The following RBFOX1 variants were observed in gnomAD, a reference collection of about 807,000 sequenced individuals.
The protein encoded by RBFOX1 is RNA binding fox-1 homolog 1.
In RBFOX1, 8 loss-of-function variants were observed where a neutral mutation model predicts 57.7. The observed-to-expected ratio is 0.14, with a 90% confidence interval of 0.08 to 0.25. RBFOX1 has a LOEUF of 0.25. RBFOX1 is among the 10% of genes least tolerant of loss of function. The pLI is 1.00. For synonymous variants in RBFOX1, 326 were observed against 222.4 expected (o/e 1.47, Z -4.15); for missense variants, 611 against 548.5 (o/e 1.11, Z -1.14).
chr16:6,486,946 C>G (rs892704771), intron 2 of RBFOX1, among the ~76,000 whole-genome samples: 1 of 152,086 alleles, frequency 6.6e-6, no homozygotes, highest in Non-Finnish European at 1.5e-5. Flanking sequence ...GCTGAACCCC[C>G]TCTTCTTGCA....
chr16:7,136,254 A>G (rs1211162296), intron 4 of RBFOX1, among the ~76,000 whole-genome samples: 1 of 152,136 alleles, frequency 6.6e-6, no homozygotes, highest in African/African-American at 2.4e-5. Flanking sequence ...GGATATTGAA[A>G]TGTAAATTAA....
intron 4 of RBFOX1, among the ~76,000 whole-genome samples, chr16:7,404,028 C>CCTTTTATTTTATTTTATTTTA (rs2098291022): frequency 7.7e-6 from 1 of 129,964 alleles, no homozygotes; most frequent in Non-Finnish European, 1.6e-5. Flanking sequence ...ATTTCATTTC[C>CCTTTTATTTTATTTTATTTTA]TTTTATTTTA....
chr16:6,407,430 A>G (rs952677269), intron 2 of RBFOX1, among the ~76,000 whole-genome samples: 1 of 151,948 alleles, frequency 6.6e-6, no homozygotes, highest in Non-Finnish European at 1.5e-5. Context: ...CTTATATACT[A>G]TCTCTATATT....
chr16:6,019,587 G>A lies in RBFOX1; in HGVS notation c.-532G>A. On this transcript the variant is annotated 5_prime_UTR_variant, in exon 1 of 16. Transcript: ENST00000550418. The surrounding 1 kb of genome is among the most constrained non-coding windows in gnomAD (Gnocchi z 4.2). ...GGCTGGACCCACGCGCGCGCCTCCG[G>A]GGCTGAAGAAGGAAGGAGTGAGCCG... is the stretch of plus-strand genomic sequence containing the variant. 8.4e-7 allele frequency: 1 copy of A among 1,193,688 alleles called. No individual in the cohort carries two copies. The highest frequency in any genetic ancestry group is 3.5e-5 in the East Asian group (1 of 28,244). The allele number at this position is 1,193,688 out of a possible 1,614,324, so 73.9% of individuals were successfully genotyped here. A position where few individuals can be genotyped will look rare whatever the true frequency, so the allele number is the denominator to read the frequency against.
At chr16:7,082,908 C>G (rs2059419627) in intron 4 of RBFOX1, among the ~76,000 whole-genome samples, 1 of 152,150 alleles carries the variant, frequency 6.6e-6, no homozygotes, top group African/African-American at 2.4e-5. Context: ...TCTCTTGAAG[C>G]TTGACAACAA....
rs190207748 is a variant in RBFOX1, at chr16:6,021,122, A to T, written c.-127+1130A>T. Reference sequence around the variant, plus strand: ...ATCTTTTCAGTTGAACTTGAAAAGAAGTGGGGGAGTGTGGTGAAATAGCTT... The same window carrying T: ...ATCTTTTCAGTTGAACTTGAAAAGATGTGGGGGAGTGTGGTGAAATAGCTT... On this transcript the variant is annotated intron_variant, in intron 1 of 15. Coordinates refer to ENST00000550418, the MANE Select transcript of RBFOX1 (RefSeq NM_018723.4). Among the ~76,000 whole-genome samples the T allele has an allele frequency of 2.7e-3, 405 of 152,352 alleles. 3 individuals are homozygous for T. Among genetic ancestry groups the T allele is most frequent in the African/African-American group, 9.3e-3 (388 of 41,590 alleles).
chr16:5,792,665 A>T (rs1395253128), intron 3 of RBFOX1, among the ~76,000 whole-genome samples: 1 of 152,164 alleles, frequency 6.6e-6, no homozygotes, highest in Non-Finnish European at 1.5e-5. Flanking sequence ...CAACGTGCTG[A>T]AACCCCGTCT....
intron 2 of RBFOX1, among the ~76,000 whole-genome samples, chr16:6,465,137 T>C (rs949270241): frequency 6.6e-6 from 1 of 152,240 alleles, no homozygotes; most frequent in Non-Finnish European, 1.5e-5. Context: ...ATTATTAATC[T>C]CCATTTTCTT....
chr16:6,723,298 C>G (rs948456131), intron 3 of RBFOX1, among the ~76,000 whole-genome samples: 1 of 152,162 alleles, frequency 6.6e-6, no homozygotes, highest in Non-Finnish European at 1.5e-5. Context: ...TTAATATAGG[C>G]ACCTACTGTA....
chr16:6,615,480 G>A (rs2098128858), intron 2 of RBFOX1, among the ~76,000 whole-genome samples: 1 of 151,620 alleles, frequency 6.6e-6, no homozygotes, highest in Admixed American at 6.6e-5. Flanking sequence ...TGAGGCAGAA[G>A]AATTGCTTGA....
intron 1 of RBFOX1, among the ~76,000 whole-genome samples, chr16:6,105,286 G>A (rs12929629): frequency 0.69 from 104,666 of 152,032 alleles, 36,928 homozygotes; most frequent in African/African-American, 0.84. Context: ...TGTTTTAAAC[G>A]TAATCCATTT....
At chr16:7,399,735 A>G (rs2098207711) in intron 4 of RBFOX1, among the ~76,000 whole-genome samples, 2 of 56,386 alleles carry the variant, frequency 3.5e-5, no homozygotes, top group East Asian at 8.3e-4. Context: ...CCCCATATCA[A>G]GATCTTTTAA....
intron 10 of RBFOX1, among the ~76,000 whole-genome samples, chr16:7,612,138 GA>G (rs749062492): frequency 6.6e-6 from 1 of 151,816 alleles, no homozygotes. Flanking sequence ...TGGCTAACAC[GA>G]TGAAACCCCG....
At chr16:6,822,722 C>T (rs113908047) in intron 3 of RBFOX1, among the ~76,000 whole-genome samples, 1 of 152,150 alleles carries the variant, frequency 6.6e-6, no homozygotes, top group African/African-American at 2.4e-5. Context: ...TTCAGCAACT[C>T]AGGCTTGAAG....
chr16:7,171,976 G>C (rs1419266441), intron 4 of RBFOX1, among the ~76,000 whole-genome samples: 8 of 152,168 alleles, frequency 5.3e-5, no homozygotes, highest in African/African-American at 1.7e-4. Context: ...CCTGGAAGCT[G>C]TGTAGTATAG....
intron 2 of RBFOX1, among the ~76,000 whole-genome samples, chr16:6,390,527 G>A (rs2152931728): frequency 6.6e-6 from 1 of 151,558 alleles, no homozygotes; most frequent in South Asian, 2.1e-4. Flanking sequence ...CAGCCCTTTT[G>A]CAACTTATAA....
intron 4 of RBFOX1, among the ~76,000 whole-genome samples, chr16:7,356,911 G>A (rs575807576): frequency 2.0e-5 from 3 of 152,288 alleles, no homozygotes; most frequent in African/African-American, 4.8e-5. Context: ...CTCCAGCAAG[G>A]TTGATGCAGG....
intron 3 of RBFOX1, among the ~76,000 whole-genome samples, chr16:6,955,348 G>GCACACACA (rs34550051): frequency 0.018 from 2,633 of 150,268 alleles, 54 homozygotes; most frequent in African/African-American, 0.047. Flanking sequence ...CCCCACATAT[G>GCACACACA]CACACACACA....
intron 3 of RBFOX1, among the ~76,000 whole-genome samples, chr16:5,640,980 A>G (rs995834175): frequency 2.0e-5 from 3 of 151,608 alleles, no homozygotes; most frequent in Admixed American, 6.6e-5. Flanking sequence ...ACACACATAC[A>G]TGCATATCAT....
Sources: allele counts gnomAD v4.1 joint callset (sites outside exome capture counted in the v4.1 genomes callset), GRCh38; gene constraint gnomAD v4.1.1; non-coding constraint Gnocchi (gnomAD v3.1); transcripts MANE v1.5; gene names NCBI Gene and HGNC (gene_info 2026-07-23, HGNC 2026-07-21).